The following CCSER1 variants were observed in gnomAD, a reference collection of about 807,000 sequenced individuals.
CCSER1 encodes coiled-coil serine rich protein 1, also known as serine-rich coiled-coil domain-containing protein 1.
In CCSER1, 41 loss-of-function variants were observed where a neutral mutation model predicts 82.0. That is an observed-to-expected ratio of 0.50 (90% CI 0.39 to 0.65). The LOEUF is 0.65. CCSER1 is among the 30% of genes least tolerant of loss of function. The pLI is 0.00. For synonymous variants in CCSER1, 414 were observed against 383.9 expected (o/e 1.08, Z -0.92); for missense variants, 1,119 against 1,064.2 (o/e 1.05, Z -0.72).
Position 90,778,779 on chromosome 4 carries a change from T to TAA in CCSER1, c.2011-36974_2011-36973dup, listed in dbSNP as rs35046165. 9.9e-3 allele frequency among the ~76,000 whole-genome samples: 1,487 copies of TAA among 149,862 alleles called. 29 individuals are homozygous for TAA. The highest frequency in any genetic ancestry group is 0.034 in the African/African-American group (1,398 of 41,008). On this transcript the variant is annotated intron_variant, in intron 7 of 10. Transcript: ENST00000509176. ...AAGGGATAGAGATTGTTGGTTGACT[T>TAA]AAAAAAAAAACTCTTTATTAACTCT...
intron 9 of CCSER1, among the ~76,000 whole-genome samples, chr4:90,958,905 G>A (rs1208057878): frequency 6.6e-6 from 1 of 152,102 alleles, no homozygotes. Context: ...GTCTCTACTT[G>A]TGTTTAGATT....
chr4:90,872,836 C>G (rs907970735), intron 8 of CCSER1, among the ~76,000 whole-genome samples: 1 of 151,806 alleles, frequency 6.6e-6, no homozygotes. Context: ...TTTTGTTTGT[C>G]TGGGAAAGAC....
intron 1 of CCSER1, among the ~76,000 whole-genome samples, chr4:90,161,180 A>G (rs946426982): frequency 1.3e-5 from 2 of 152,150 alleles, no homozygotes; most frequent in African/African-American, 4.8e-5. Flanking sequence ...TGCTCATCCT[A>G]TGTGCTTATT....
At chr4:90,382,318 T>G (rs1451893814) in intron 3 of CCSER1, among the ~76,000 whole-genome samples, 1 of 152,084 alleles carries the variant, frequency 6.6e-6, no homozygotes, top group African/African-American at 2.4e-5. Context: ...ACATTTATGT[T>G]TGACTGTGTT....
At chr4:91,130,778 C>A (rs1727922763) in intron 10 of CCSER1, among the ~76,000 whole-genome samples, 1 of 151,592 alleles carries the variant, frequency 6.6e-6, no homozygotes, top group Non-Finnish European at 1.5e-5. Flanking sequence ...AAGGAAATAA[C>A]CAATTATCTT....
chr4:91,088,233 A>G (rs1479296281), intron 10 of CCSER1, among the ~76,000 whole-genome samples: 1 of 152,132 alleles, frequency 6.6e-6, no homozygotes, highest in Non-Finnish European at 1.5e-5. Flanking sequence ...ATGATGAATT[A>G]ATTTCTTAGT....
chr4:91,131,331 C>CTTTT (rs34209878), intron 10 of CCSER1, among the ~76,000 whole-genome samples: 3 of 137,746 alleles, frequency 2.2e-5, no homozygotes, highest in African/African-American at 8.0e-5. Context: ...GTTCTCCCCT[C>CTTTT]TTTTTTTTTT....
chr4:91,434,065 T>A (rs781312031), intron 10 of CCSER1, among the ~76,000 whole-genome samples: 1 of 152,158 alleles, frequency 6.6e-6, no homozygotes, highest in African/African-American at 2.4e-5. Context: ...GGGAGACTTA[T>A]CAACTGAGCA....
intron 10 of CCSER1, among the ~76,000 whole-genome samples, chr4:91,327,244 G>C (rs1473958606): frequency 6.6e-6 from 1 of 152,156 alleles, no homozygotes; most frequent in Non-Finnish European, 1.5e-5. Flanking sequence ...GGACATCCAG[G>C]TGTTTCCATA....
intron 1 of CCSER1, among the ~76,000 whole-genome samples, chr4:90,177,260 G>A (rs1002037728): frequency 1.3e-5 from 2 of 152,094 alleles, no homozygotes; most frequent in Non-Finnish European, 2.9e-5. Flanking sequence ...AGTTTATAAA[G>A]GGAATGAAGT....
At chr4:90,911,329 C>G (rs1726319797) in intron 8 of CCSER1, 1 of 456,036 alleles carries the variant, frequency 2.2e-6, no homozygotes, top group Admixed American at 2.4e-5. Context: ...CTACTGATGT[C>G]TTCAGTGATA....
chr4:90,839,084 C>A, intron 8 of CCSER1: 1 of 1,523,098 alleles, frequency 6.6e-7, no homozygotes, highest in Non-Finnish European at 9.1e-7. Flanking sequence ...CGAGCGAAGT[C>A]TGGTCTGCGC....
At chr4:90,579,382 A>C (rs1255189540) in intron 5 of CCSER1, among the ~76,000 whole-genome samples, 3 of 152,154 alleles carry the variant, frequency 2.0e-5, no homozygotes, top group Non-Finnish European at 4.4e-5. Flanking sequence ...GGGAGCAATT[A>C]TTCTACAAAA....
chr4:90,994,312 T>C (rs1737302345), intron 9 of CCSER1, among the ~76,000 whole-genome samples: 1 of 152,140 alleles, frequency 6.6e-6, no homozygotes, highest in African/African-American at 2.4e-5. Flanking sequence ...AGAACCCTTA[T>C]ATTAGCCTAC....
At chr4:91,285,861 T>C (rs895239715) in intron 10 of CCSER1, among the ~76,000 whole-genome samples, 1 of 151,868 alleles carries the variant, frequency 6.6e-6, no homozygotes, top group Non-Finnish European at 1.5e-5. Flanking sequence ...TTTTTTTCTA[T>C]ACACAAATGT....
intron 10 of CCSER1, among the ~76,000 whole-genome samples, chr4:91,123,580 T>C (rs896443114): frequency 2.0e-5 from 3 of 151,744 alleles, no homozygotes; most frequent in Admixed American, 2.0e-4. Context: ...TTTCTCCATT[T>C]TGTAAATTCT....
At chr4:91,299,663 A>G (rs1744507326) in intron 10 of CCSER1, among the ~76,000 whole-genome samples, 1 of 152,000 alleles carries the variant, frequency 6.6e-6, no homozygotes, top group Non-Finnish European at 1.5e-5. Context: ...TCCATACTCT[A>G]TGCATCTTTC....
chr4:90,822,597 G>A (rs368345475), intron 8 of CCSER1, among the ~76,000 whole-genome samples: 55 of 151,830 alleles, frequency 3.6e-4, no homozygotes, highest in African/African-American at 1.3e-3. Context: ...GCGTGGTGGC[G>A]GGCACCTGTA....
intron 10 of CCSER1, among the ~76,000 whole-genome samples, chr4:91,379,920 G>T (rs558433259): frequency 9.7e-4 from 148 of 152,298 alleles, no homozygotes; most frequent in Middle Eastern, 6.8e-3. Flanking sequence ...TGCTTTAAAT[G>T]TGTCCCAGAG....
Sources: gnomAD v4.1 joint callset for allele counts (sites outside exome capture counted in the v4.1 genomes callset) on GRCh38, gnomAD v4.1.1 for gene constraint, MANE v1.5 for transcripts, NCBI Gene and HGNC (gene_info 2026-07-23, HGNC 2026-07-21) for gene names.